PARP8: variants seen among roughly 807,000 people sequenced by gnomAD.
The protein encoded by PARP8 is poly(ADP-ribose) polymerase family member 8.
In PARP8, 51 loss-of-function variants were observed where a neutral mutation model predicts 124.1. The observed-to-expected ratio is 0.41, with a 90% CI of 0.33 to 0.52. The LOEUF (loss-of-function observed/expected upper bound fraction) is 0.52. PARP8 is among the 20% of genes least tolerant of loss of function. The probability of loss-of-function intolerance (pLI) is 0.21; values close to 1 mark genes in which losing one functional copy is unlikely to be tolerated. For missense variants in PARP8, 860 were observed against 1,018.9 expected (o/e 0.84, Z 2.12); for synonymous variants, 391 against 361.5 (o/e 1.08, Z -0.93).
At chr5:50,792,670 G>C (rs1384683268) in intron 10 of PARP8, among the ~76,000 whole-genome samples, 3 of 151,928 alleles carry the variant, frequency 2.0e-5, no homozygotes, top group African/African-American at 7.3e-5. Flanking sequence ...AAATCCTGCT[G>C]AAATTTTGGG....
rs116759995 is a variant in PARP8, at chr5:50,703,626, A to T, written c.146+35501A>T. The stretch of plus-strand genomic sequence containing the variant: ...CTGTGAAATCCCCTGATCTCAGTGA[A>T]TTTGCCATGTGTTCTCTACTGTTTT... On this transcript the variant is annotated intron_variant, in intron 2 of 25. Transcript: ENST00000281631. 3.0e-3 allele frequency among the ~76,000 whole-genome samples: 455 copies of T among 152,180 alleles called. 2 individuals are homozygous for T. The highest frequency in any genetic ancestry group is 0.01 in the African/African-American group (436 of 41,526).
chr5:50,797,252 A>G lies in PARP8; in HGVS notation c.1575+19A>G. The G allele has an allele frequency of 6.6e-7, 1 of 1,522,678 alleles. No homozygotes were observed. Among genetic ancestry groups the G allele is most frequent in the African/African-American group, 1.4e-5 (1 of 73,054 alleles). 94.3% of individuals were successfully genotyped at this position (1,522,678 alleles called of 1,614,324 possible). On this transcript the variant is annotated intron_variant, in intron 14 of 25. Coordinates refer to ENST00000281631, the MANE Select transcript of PARP8 (RefSeq NM_024615.4). Reference sequence around the variant, plus strand: ...GCTTAGGGTAAGTTCTTGCTGATAGAATGTCCGTGTTGGTTTAGAATATAG... The same window carrying G: ...GCTTAGGGTAAGTTCTTGCTGATAGGATGTCCGTGTTGGTTTAGAATATAG...
chr5:50,762,636 T>A (rs1328664358), intron 6 of PARP8, among the ~76,000 whole-genome samples: 1 of 152,164 alleles, frequency 6.6e-6, no homozygotes, highest in Non-Finnish European at 1.5e-5. Flanking sequence ...TTATTCAGAA[T>A]GAAAAATTAG....
chr5:50,697,791 G>A (rs1579995541), intron 2 of PARP8, among the ~76,000 whole-genome samples: 2 of 152,114 alleles, frequency 1.3e-5, no homozygotes, highest in South Asian at 4.1e-4. Flanking sequence ...AGTAATAGAC[G>A]GAGGATATTC....
At chr5:50,829,792 G>GT in intron 21 of PARP8, 100 bp from the exon 22 acceptor site, 1 of 1,157,558 alleles carries the variant, frequency 8.6e-7, no homozygotes, top group South Asian at 2.4e-5. Flanking sequence ...TCATTTTTTT[G>GT]TAAGACTGAA....
chr5:50,672,888 TCCC>T, intron 2 of PARP8, among the ~76,000 whole-genome samples: 1 of 152,082 alleles, frequency 6.6e-6, no homozygotes, highest in South Asian at 2.1e-4. Context: ...AGCAATGCTA[TCCC>T]CTTAAAAAGG....
intron 2 of PARP8, among the ~76,000 whole-genome samples, chr5:50,747,138 A>T (rs10038567): frequency 0.067 from 9,226 of 138,364 alleles, 387 homozygotes; most frequent in Middle Eastern, 0.11. Context: ...TTATTCAGTT[A>T]TGGTTTTTTT....
intron 9 of PARP8, among the ~76,000 whole-genome samples, chr5:50,780,045 G>A (rs1182140599): frequency 1.3e-5 from 2 of 152,082 alleles, no homozygotes; most frequent in African/African-American, 2.4e-5. Context: ...CATAATTCTT[G>A]TAATGAGAAA....
In PARP8 at chr5:50,834,922, A is replaced by G; in HGVS notation, c.2378-9A>G. ...AAGTGGTTCTTTAATTTTATTTTCC[A>G]CTTAACAGTGATCACCTCATCTGAC... On this transcript the variant is annotated splice_polypyrimidine_tract_variant and intron_variant, in intron 24 of 25. Transcript: ENST00000281631. 1 of 1,610,216 alleles carries G rather than the reference A, an allele frequency of 6.2e-7. No individual in the cohort carries two copies. Among genetic ancestry groups the G allele is most frequent in the Non-Finnish European group, 8.5e-7 (1 of 1,176,940 alleles).
At chr5:50,821,441 T>G in intron 16 of PARP8, 103 bp downstream of exon 16, 18 of 1,290,092 alleles carry the variant, frequency 1.4e-5, no homozygotes, top group Non-Finnish European at 1.4e-5. Context: ...TCTAAATCTC[T>G]ATCTCATCAA....
chr5:50,725,549 T>C (rs1371638367), intron 2 of PARP8, among the ~76,000 whole-genome samples: 2 of 152,202 alleles, frequency 1.3e-5, no homozygotes, highest in Admixed American at 6.5e-5. Context: ...GCATGTTCGG[T>C]CAGGGTATCT....
At chr5:50,789,454 GGGC>G (rs1741698540) in intron 10 of PARP8, among the ~76,000 whole-genome samples, 1 of 151,902 alleles carries the variant, frequency 6.6e-6, no homozygotes, top group Admixed American at 6.6e-5. Flanking sequence ...TGCATCCAGA[GGGC>G]TTGTTGTGGT....
intron 25 of PARP8, among the ~76,000 whole-genome samples, chr5:50,839,573 C>G (rs377100277): frequency 4.6e-5 from 7 of 151,950 alleles, no homozygotes; most frequent in African/African-American, 1.7e-4. Context: ...TGTCCTTCAA[C>G]CCATGACTGT....
rs952253089 is a variant in PARP8, at chr5:50,705,791, AG to A, written c.146+37672del. Among the ~76,000 whole-genome samples, 10 of 151,948 alleles carry A rather than the reference AG, an allele frequency of 6.6e-5. No individual in the cohort carries two copies. In the East Asian group the frequency reaches 1.9e-3, roughly 29 times the overall value. ...CAAGACTCTGTTTCCCAAAAAAAAAAGGGGGGTTGATGGGTCTGGGCTAGGA... is the reference window on the plus strand; with the variant it reads ...CAAGACTCTGTTTCCCAAAAAAAAAAGGGGGTTGATGGGTCTGGGCTAGGA... On this transcript the variant is annotated intron_variant, in intron 2 of 25. Coordinates refer to ENST00000281631, the MANE Select transcript of PARP8 (RefSeq NM_024615.4).
chr5:50,795,789 T>C (rs1399750445), intron 12 of PARP8, among the ~76,000 whole-genome samples: 4 of 152,226 alleles, frequency 2.6e-5, no homozygotes, highest in South Asian at 2.1e-4. Context: ...CTCACATGAG[T>C]GGTGGAGGAC....
chr5:50,801,542 G>A (rs751584877), intron 14 of PARP8, among the ~76,000 whole-genome samples: 19 of 152,178 alleles, frequency 1.2e-4, no homozygotes, highest in Non-Finnish European at 2.1e-4. Flanking sequence ...GAGTTTTAGT[G>A]ATACTCTTTG....
chr5:50,801,709 G>A (rs1743248561), intron 14 of PARP8, among the ~76,000 whole-genome samples: 1 of 152,162 alleles, frequency 6.6e-6, no homozygotes, highest in Admixed American at 6.5e-5. Context: ...CATTATGAAA[G>A]TGGGGGTATT....
At chr5:50,778,176 T>TTTATTTTA in intron 8 of PARP8, 47 bp downstream of exon 8, 1 of 1,334,696 alleles carries the variant, frequency 7.5e-7, no homozygotes, top group South Asian at 1.3e-5. Context: ...TAAAATACAT[T>TTTATTTTA]TTATTTTATT....
intron 24 of PARP8, 59 bp downstream of exon 24, chr5:50,834,107 AAT>A (rs765920986): frequency 2.0e-5 from 26 of 1,330,586 alleles, no homozygotes; most frequent in Non-Finnish European, 2.7e-5. Flanking sequence ...TATAATTAAA[AAT>A]ATAAGTATAT....
Sources: allele counts gnomAD v4.1 joint callset (sites outside exome capture counted in the v4.1 genomes callset), GRCh38; gene constraint gnomAD v4.1.1; transcripts MANE v1.5; gene names NCBI Gene and HGNC (gene_info 2026-07-23, HGNC 2026-07-21).